The following ACBD6 variants were observed in gnomAD, a reference collection of about 807,000 sequenced individuals.
ACBD6 encodes acyl-CoA-binding domain-containing protein 6.
A neutral mutation model predicts 37.2 loss-of-function variants in ACBD6; 28 were observed. That is an observed-to-expected ratio of 0.75 (90% CI 0.56 to 1.03). ACBD6 has a LOEUF of 1.03. Among genes scored for constraint, ACBD6 ranks in the 50% least tolerant of loss-of-function variants. ACBD6 has a pLI of 0.00. For synonymous variants in ACBD6, 113 were observed against 126.8 expected (o/e 0.89, Z 0.73); for missense variants, 340 against 337.4 (o/e 1.01, Z -0.06).
In ACBD6 at chr1:180,316,564, T is replaced by A. The variant is rs140867127; in HGVS notation, c.664-1842A>T. On this transcript the variant is annotated intron_variant, in intron 6 of 7. Coordinates refer to ENST00000367595, the MANE Select transcript of ACBD6 (RefSeq NM_032360.4). ...ATTTGTGCATAACTTTCATGTTTAA[T>A]CACTGTGTTCATATATACTTAAAGT... Among the ~76,000 whole-genome samples, 36 of 152,328 alleles carry A rather than the reference T, an allele frequency of 2.4e-4. No homozygotes were observed. The East Asian group carries it at 6.4e-3, about 27-fold the overall frequency.
At chr1:180,368,908 G>A (rs1653150820) in intron 6 of ACBD6, among the ~76,000 whole-genome samples, 1 of 152,016 alleles carries the variant, frequency 6.6e-6, no homozygotes, top group South Asian at 2.1e-4. Context: ...GTGAAACCAT[G>A]GATAAGAAAG....
At chr1:180,448,343 G>A (rs1016521392) in intron 3 of ACBD6, among the ~76,000 whole-genome samples, 1 of 151,996 alleles carries the variant, frequency 6.6e-6, no homozygotes, top group African/African-American at 2.4e-5. Flanking sequence ...TTTTTTGTTG[G>A]TCATCTTTAC....
chr1:180,389,110 C>T (rs925646235), intron 6 of ACBD6, among the ~76,000 whole-genome samples: 14 of 152,152 alleles, frequency 9.2e-5, no homozygotes, highest in Non-Finnish European at 1.8e-4. Context: ...CCCATTGACT[C>T]GTCATTTAGC....
At chr1:180,305,514 C>G (rs1361707810) in intron 7 of ACBD6, among the ~76,000 whole-genome samples, 1 of 152,194 alleles carries the variant, frequency 6.6e-6, no homozygotes, top group Non-Finnish European at 1.5e-5. Flanking sequence ...CTCATCATCA[C>G]TGGCCATCAG....
chr1:180,291,663 TAA>T (rs960417568), intron 7 of ACBD6, among the ~76,000 whole-genome samples: 1 of 152,180 alleles, frequency 6.6e-6, no homozygotes, highest in African/African-American at 2.4e-5. Context: ...TCATTTTTTT[TAA>T]GAGTATCTTG....
downstream of ACBD6, among the ~76,000 whole-genome samples, chr1:180,285,046 G>A (rs752312489): frequency 6.6e-6 from 1 of 152,118 alleles, no homozygotes; most frequent in Non-Finnish European, 1.5e-5. Flanking sequence ...TGAGGTGGGA[G>A]GATTGCTTGA....
chr1:180,499,529 G>A (rs1345652491), intron 1 of ACBD6, among the ~76,000 whole-genome samples: 1 of 152,166 alleles, frequency 6.6e-6, no homozygotes. Flanking sequence ...ACAGTTCACT[G>A]ATGACTTAGA....
intron 3 of ACBD6, chr1:180,435,317 C>T (rs1259522739): frequency 5.4e-5 from 26 of 482,002 alleles, no homozygotes; most frequent in African/African-American, 8.0e-5. Flanking sequence ...GGCAGGATCT[C>T]AGCTCACTGC....
intron 6 of ACBD6, among the ~76,000 whole-genome samples, chr1:180,358,500 T>G (rs1273596421): frequency 6.6e-6 from 1 of 151,460 alleles, no homozygotes; most frequent in African/African-American, 2.4e-5. Flanking sequence ...TAAGTCATAT[T>G]AACTTTGGTT....
intron 7 of ACBD6, among the ~76,000 whole-genome samples, chr1:180,293,286 T>C: frequency 7.2e-6 from 1 of 138,352 alleles, no homozygotes; most frequent in African/African-American, 2.7e-5. Context: ...GAAGTGTTTG[T>C]GTGTAGAATT....
intron 3 of ACBD6, among the ~76,000 whole-genome samples, chr1:180,476,269 T>A (rs552371924): frequency 6.6e-6 from 1 of 152,370 alleles, no homozygotes; most frequent in Non-Finnish European, 1.5e-5. Flanking sequence ...AACTCATTTA[T>A]GCCGGAGGTT....
intron 3 of ACBD6, among the ~76,000 whole-genome samples, chr1:180,457,978 T>C (rs995315762): frequency 3.3e-5 from 5 of 152,016 alleles, no homozygotes; most frequent in Admixed American, 2.6e-4. Context: ...TTTTTTTTAG[T>C]AGAGACAGGA....
chr1:180,434,755 G>T, intron 3 of ACBD6: 1 of 607,552 alleles, frequency 1.6e-6, no homozygotes, highest in South Asian at 1.7e-5. Flanking sequence ...ACCTCAACAG[G>T]CCATAGCCGC....
chr1:180,487,345 C>A (rs1651311858), intron 3 of ACBD6, among the ~76,000 whole-genome samples: 1 of 122,278 alleles, frequency 8.2e-6, no homozygotes, highest in African/African-American at 3.8e-5. Context: ...AGAAATAAAC[C>A]ATTCCTAAGT....
At chr1:180,404,168 C>T (rs150222425) in intron 5 of ACBD6, among the ~76,000 whole-genome samples, 3,472 of 152,096 alleles carry the variant, frequency 0.023, 60 homozygotes, top group Middle Eastern at 0.031. Context: ...CCAAGCTGGT[C>T]TCAAACTCCT....
chr1:180,392,746 T>A (rs1654122566), intron 6 of ACBD6, among the ~76,000 whole-genome samples: 1 of 152,032 alleles, frequency 6.6e-6, no homozygotes, highest in Non-Finnish European at 1.5e-5. Flanking sequence ...TGGTTTTATT[T>A]ATTGCTTTAT....
chr1:180,441,084 A>G (rs936774997), intron 3 of ACBD6, among the ~76,000 whole-genome samples: 1 of 152,162 alleles, frequency 6.6e-6, no homozygotes, highest in Admixed American at 6.5e-5. Flanking sequence ...AGAATTGGTA[A>G]TTCTATTTTT....
chr1:180,284,513 C>G (rs538622622), downstream of ACBD6, among the ~76,000 whole-genome samples: 13 of 151,972 alleles, frequency 8.6e-5, no homozygotes, highest in South Asian at 2.7e-3. Flanking sequence ...TACAGGCATG[C>G]GCCACCATGC....
intron 6 of ACBD6, among the ~76,000 whole-genome samples, chr1:180,352,726 T>A (rs560459489): frequency 1.3e-5 from 2 of 152,284 alleles, no homozygotes; most frequent in East Asian, 3.9e-4. Context: ...TAACTAGAGA[T>A]AAGACTTTCA....
Sources: allele counts gnomAD v4.1 joint callset (sites outside exome capture counted in the v4.1 genomes callset), GRCh38; gene constraint gnomAD v4.1.1; transcripts MANE v1.5; gene names NCBI Gene and HGNC (gene_info 2026-07-23, HGNC 2026-07-21).